The following GALNT13 variants were observed in gnomAD, a reference collection of about 807,000 sequenced individuals.
GALNT13 encodes UDP-GalNAc:polypeptide N-acetylgalactosaminyltransferase 13.
In GALNT13, 28 loss-of-function variants were observed where a neutral mutation model predicts 64.2. The ratio of observed to expected loss-of-function variants is 0.44; its 90% confidence interval spans 0.32 to 0.60. The LOEUF (loss-of-function observed/expected upper bound fraction) is 0.60, where lower values mean the gene tolerates loss of function less well. GALNT13 is among the 20% of genes least tolerant of loss of function. The pLI is 0.05. For synonymous variants in GALNT13, 214 were observed against 224.6 expected, an observed-to-expected ratio of 0.95 and a Z score of 0.42; for missense variants, 577 against 669.8, an observed-to-expected ratio of 0.86 and a Z score of 1.53.
chr2:153,893,231 GTTTTC>G (rs1185170815), intron 1 of GALNT13, among the ~76,000 whole-genome samples: 3 of 152,040 alleles, frequency 2.0e-5, no homozygotes, highest in African/African-American at 4.8e-5. Context: ...AAAAAATCAT[GTTTTC>G]TTAACTTTTG....
the GALNT13 span, among the ~76,000 whole-genome samples, chr2:153,453,270 G>T: frequency 6.6e-6 from 1 of 152,122 alleles, no homozygotes; most frequent in Non-Finnish European, 1.5e-5. Flanking sequence ...TTGACAAGTG[G>T]AATCTAATTA....
At chr2:154,097,215 A>G (rs68053074) in intron 3 of GALNT13, among the ~76,000 whole-genome samples, 25,698 of 151,920 alleles carry the variant, frequency 0.17, 3,947 homozygotes, top group East Asian at 0.74. Flanking sequence ...CCTAGGTTTT[A>G]ATGGAGAAAC....
At chr2:153,806,852 A>T in the GALNT13 span, among the ~76,000 whole-genome samples, 2 of 152,076 alleles carry the variant, frequency 1.3e-5, no homozygotes, top group Non-Finnish European at 2.9e-5. Flanking sequence ...ACTTAACAAC[A>T]TGCTGAATTT....
the GALNT13 span, among the ~76,000 whole-genome samples, chr2:153,514,573 G>T: frequency 6.6e-6 from 1 of 151,986 alleles, no homozygotes; most frequent in African/African-American, 2.4e-5. Flanking sequence ...TTTACGGATG[G>T]GCATTTCTGG....
the GALNT13 span, among the ~76,000 whole-genome samples, chr2:153,810,105 C>T: frequency 0.17 from 25,841 of 152,018 alleles, 2,748 homozygotes; most frequent in Admixed American, 0.36. Context: ...GGACTGCAGG[C>T]GCCCGCCACC....
chr2:153,447,504 G>A, the GALNT13 span, among the ~76,000 whole-genome samples: 2 of 152,112 alleles, frequency 1.3e-5, no homozygotes, highest in South Asian at 2.1e-4. Flanking sequence ...AGGTAACCAC[G>A]ATTATTTATT....
intron 11 of GALNT13, among the ~76,000 whole-genome samples, chr2:154,410,909 T>A (rs1054725309): frequency 1.2e-4 from 18 of 151,948 alleles, no homozygotes; most frequent in African/African-American, 4.3e-4. Context: ...ACTTTATTCA[T>A]CTGCACGTTT....
chr2:154,446,189 G>C (rs1458216842), intron 12 of GALNT13, among the ~76,000 whole-genome samples: 1 of 151,978 alleles, frequency 6.6e-6, no homozygotes, highest in Admixed American at 6.6e-5. Flanking sequence ...AGGAGGCCAA[G>C]GGCCATAGCT....
At chr2:153,696,575 C>A in the GALNT13 span, among the ~76,000 whole-genome samples, 1 of 151,766 alleles carries the variant, frequency 6.6e-6, no homozygotes, top group Non-Finnish European at 1.5e-5. Context: ...AAATTAGGCA[C>A]AATAAGAGAT....
intron 3 of GALNT13, among the ~76,000 whole-genome samples, chr2:153,988,070 A>AC (rs1426772758): frequency 1.8e-4 from 25 of 141,998 alleles, no homozygotes; most frequent in Admixed American, 7.7e-4. Flanking sequence ...ATATATATAT[A>AC]TATACACACA....
At chr2:153,291,397 T>C in the GALNT13 span, among the ~76,000 whole-genome samples, 1 of 152,180 alleles carries the variant, frequency 6.6e-6, no homozygotes, top group African/African-American at 2.4e-5. Context: ...TTGGGGGCCA[T>C]GAGTTATCCA....
chr2:153,835,177 A>AT, the GALNT13 span, among the ~76,000 whole-genome samples: 2 of 151,964 alleles, frequency 1.3e-5, no homozygotes, highest in Non-Finnish European at 2.9e-5. Context: ...ACTTGGATGG[A>AT]TTTTTTAAAT....
At chr2:153,392,122 A>ATAAAT in the GALNT13 span, among the ~76,000 whole-genome samples, 8 of 148,870 alleles carry the variant, frequency 5.4e-5, no homozygotes, top group African/African-American at 2.0e-4. Context: ...TTTATAATAT[A>ATAAAT]TAAATTAAAT....
chr2:154,342,411 A>G (rs1695821830), intron 9 of GALNT13, among the ~76,000 whole-genome samples: 1 of 152,102 alleles, frequency 6.6e-6, no homozygotes, highest in South Asian at 2.1e-4. Context: ...AAATTTCAGT[A>G]TATGTGGCTT....
intron 3 of GALNT13, among the ~76,000 whole-genome samples, chr2:153,953,142 C>CCTTCAATCCAA (rs1692317280): frequency 6.6e-6 from 1 of 152,042 alleles, no homozygotes; most frequent in Non-Finnish European, 1.5e-5. Flanking sequence ...CAAGTTGACA[C>CCTTCAATCCAA]TCAATATTAA....
At chr2:153,366,720 G>GACACACAC in the GALNT13 span, among the ~76,000 whole-genome samples, 292 of 109,150 alleles carry the variant, frequency 2.7e-3, 5 homozygotes, top group Admixed American at 5.6e-3. Context: ...AGCACACAGG[G>GACACACAC]ACACACACAC....
chr2:154,316,385 T>C (rs542828597), intron 9 of GALNT13, among the ~76,000 whole-genome samples: 1 of 152,204 alleles, frequency 6.6e-6, no homozygotes, highest in South Asian at 2.1e-4. Context: ...ATTCTGTCAT[T>C]TTAGCATGAT....
intron 4 of GALNT13, among the ~76,000 whole-genome samples, chr2:154,191,654 G>T (rs1686584902): frequency 6.6e-6 from 1 of 152,160 alleles, no homozygotes; most frequent in African/African-American, 2.4e-5. Flanking sequence ...AACGGGAAAA[G>T]TTCCCTTATC....
At chr2:153,422,353 T>C in the GALNT13 span, among the ~76,000 whole-genome samples, 3 of 152,140 alleles carry the variant, frequency 2.0e-5, no homozygotes. Flanking sequence ...AGAAGATTTT[T>C]AAATGGAAAA....
Sources: gnomAD v4.1 joint callset for allele counts (sites outside exome capture counted in the v4.1 genomes callset) on GRCh38, gnomAD v4.1.1 for gene constraint, MANE v1.5 for transcripts, NCBI Gene and HGNC (gene_info 2026-07-23, HGNC 2026-07-21) for gene names.